ARHGEF2: variants seen among roughly 807,000 people sequenced by gnomAD.
The protein encoded by ARHGEF2 is rho guanine nucleotide exchange factor 2.
Under a neutral mutation model 121.0 loss-of-function variants are expected in ARHGEF2, and 22 were observed. That is an observed-to-expected ratio of 0.18 (90% CI 0.13 to 0.26). The LOEUF (loss-of-function observed/expected upper bound fraction) is 0.26, where lower values mean the gene tolerates loss of function less well. Ranked by LOEUF, ARHGEF2 falls within the 10% of genes least tolerant of loss-of-function variation. ARHGEF2 has a pLI of 1.00. For missense variants in ARHGEF2, 907 were observed against 1,336.0 expected (o/e 0.68, Z 5.01); for synonymous variants, 487 against 530.0 (o/e 0.92, Z 1.11).
rs910481850 is a variant in ARHGEF2 at position 155,965,536 on chromosome 1, G to A, written c.470+95C>T. ...AGTTCTCCTTATTTGTCTGTCTACAGTTCTGAACTCAGGGATGGAAAGGGA... is the reference window on the plus strand; with the variant it reads ...AGTTCTCCTTATTTGTCTGTCTACAATTCTGAACTCAGGGATGGAAAGGGA... On this transcript the variant is annotated intron_variant, in intron 5 of 21. Transcript: ENST00000361247. The surrounding 1 kb of genome is among the most constrained non-coding windows in gnomAD (Gnocchi z 6.0). 86 of 1,606,150 alleles carry A rather than the reference G, an allele frequency of 5.4e-5. No homozygotes were observed. The highest frequency in any genetic ancestry group is 6.9e-5 in the Non-Finnish European group (81 of 1,175,072).
Position 155,952,149 on chromosome 1 carries a change from T to C in ARHGEF2, c.2071A>G (p.Ser691Gly). Reference sequence around the variant, plus strand: ...ACCCCAGGACTCGTGTTACCACCGCTGTCTGGTTCCAAGGGCAGGGCTGGC... The same window carrying C: ...ACCCCAGGACTCGTGTTACCACCGCCGTCTGGTTCCAAGGGCAGGGCTGGC... ...REPALPLEPD[S>G]GGNTSPGVTA... The change falls in exon 16 of 22, where the codon AGC (serine) becomes GGC (glycine). Residue 691 changes from serine (S) to glycine (G), a missense_variant. By Grantham distance (56) the Ser-to-Gly change is moderately conservative (BLOSUM62 0). Coordinates refer to ENST00000361247, the MANE Select transcript of ARHGEF2 (RefSeq NM_001162383.2). 5.6e-6 allele frequency: 9 copies of C among 1,614,164 alleles called. No homozygotes were observed. The highest frequency in any genetic ancestry group is 7.6e-6 in the Non-Finnish European group (9 of 1,180,022).
intron 1 of ARHGEF2, chr1:155,970,754 G>A (rs1680298700): frequency 2.0e-6 from 2 of 985,652 alleles, no homozygotes; most frequent in African/African-American, 1.7e-5. Flanking sequence ...AAGGGGAAGT[G>A]TGGAGGGGCT....
intron 1 of ARHGEF2, chr1:155,970,244 G>T (rs141376165): frequency 4.1e-6 from 4 of 982,144 alleles, no homozygotes; most frequent in Non-Finnish European, 3.6e-6. Context: ...CACCTTCCTC[G>T]GAGCCTCTGA....
In ARHGEF2 at chr1:155,958,739, C is replaced by T. The variant is rs188016089; in HGVS notation, c.1469-343G>A. ...TACTACAGGCGTGTGCCACCATGCC[C>T]GGCTAATTTTGTATTTTTAGTAGAG... On this transcript the variant is annotated intron_variant, in intron 11 of 21. Transcript: ENST00000361247. 4.0e-5 allele frequency among the ~76,000 whole-genome samples: 6 copies of T among 151,786 alleles called. No individual in the cohort carries two copies. In the East Asian group the frequency reaches 9.7e-4, roughly 24 times the overall value.
chr1:155,973,008 G>C (rs1180807025), intron 1 of ARHGEF2, among the ~76,000 whole-genome samples: 1 of 152,008 alleles, frequency 6.6e-6, no homozygotes, highest in Non-Finnish European at 1.5e-5. Flanking sequence ...CTCAGACCTA[G>C]AGTCATTCTG....
At position 155,965,745 on chromosome 1, in the gene ARHGEF2, C is replaced by T. The variant is rs1355537515; in HGVS notation, c.356G>A (p.Arg119Gln). 1 of 1,600,248 alleles carries T rather than the reference C, an allele frequency of 6.2e-7. No individual in the cohort carries two copies. The highest frequency in any genetic ancestry group is 1.1e-5 in the South Asian group (1 of 89,560). The change falls in exon 5 of 22, where the codon CGG becomes CAG. Residue 119 changes from arginine (R) to glutamine (Q), a missense_variant. By Grantham distance (43) the Arg-to-Gln change is conservative. This residue lies in a region of ARHGEF2 where 475 missense variants were observed against 776.5 expected (regional missense o/e 0.61). Coordinates refer to ENST00000361247, the MANE Select transcript of ARHGEF2 (RefSeq NM_001162383.2). The surrounding 1 kb of genome is among the most constrained non-coding windows in gnomAD (Gnocchi z 6.0). ...SLRSKTTIRE[R>Q]PSSAIYPSDS... is the part of the protein sequence containing the mutation. ...GGAGGGGTAGATGGCCGAGCTTGGC[C>T]GCTCCCGGATGGTTGCTGTGGGGGA...
chr1:155,962,085 T>A lies in ARHGEF2; in HGVS notation c.1219+20A>T, dbSNP rs1446494096. ...AGGTGGCCGTCTCCCAGTGGCCCTC[T>A]CCTGGGCCTGCCTACTCACCGTGGG... is the stretch of plus-strand genomic sequence containing the variant. On this transcript the variant is annotated intron_variant, in intron 10 of 21. Transcript: ENST00000361247. The surrounding 1 kb of genome is among the most constrained non-coding windows in gnomAD (Gnocchi z 5.8). The A allele has an allele frequency of 1.2e-6, 2 of 1,612,918 alleles. No homozygotes were observed. Among genetic ancestry groups the A allele is most frequent in the Admixed American group, 3.3e-5 (2 of 60,016 alleles).
upstream of ARHGEF2, chr1:155,979,367 A>G: frequency 1.0e-6 from 1 of 979,292 alleles, no homozygotes; most frequent in Non-Finnish European, 1.2e-6. Context: ...AAAGAAAGTT[A>G]GGGCCCAACC....
At position 155,952,851 on chromosome 1, in the gene ARHGEF2, G is replaced by A. The variant is rs549872336; in HGVS notation, c.1784-23C>T. 6.2e-6 allele frequency: 10 copies of A among 1,613,302 alleles called. No individual in the cohort carries two copies. In the African/African-American group the frequency reaches 9.3e-5, roughly 15 times the overall value. On this transcript the variant is annotated intron_variant, in intron 14 of 21. Transcript: ENST00000361247. ...CCACTGCAGATAAGGAACAAGTGAG[G>A]ACATGAGAGGACGTAGGGGTATGCA...
In ARHGEF2 at chr1:155,962,187, C is replaced by T; in HGVS notation, c.1137G>A (p.Gly379=). The T allele has an allele frequency of 6.2e-7, 1 of 1,614,146 alleles. No individual in the cohort carries two copies. Residue 379 remains glycine (G), a synonymous_variant, in exon 10 of 22, where the codon GGG becomes GGA. Coordinates refer to ENST00000361247, the MANE Select transcript of ARHGEF2 (RefSeq NM_001162383.2). This position sits in a 1 kb window ranked among gnomAD's most constrained non-coding sequence, Gnocchi z 5.8. ...VTRPAVLKRH[G]VQECILLVTQ... ...TCACCAGCAGGATGCACTCCTGTACCCCGTGCCGCTTGAGCACGGCGGGGC... is the reference window on the plus strand; with the variant it reads ...TCACCAGCAGGATGCACTCCTGTACTCCGTGCCGCTTGAGCACGGCGGGGC...
At position 155,961,853 on chromosome 1, in the gene ARHGEF2, G is replaced by C; in HGVS notation, c.1276C>G (p.Leu426Val). The change falls in exon 11 of 22, where the codon CTG becomes GTG. Residue 426 changes from leucine to valine, a missense_variant. By Grantham distance (32) the Leu-to-Val change is conservative. Coordinates refer to ENST00000361247, the MANE Select transcript of ARHGEF2 (RefSeq NM_001162383.2). This position sits in a 1 kb window ranked among gnomAD's most constrained non-coding sequence, Gnocchi z 4.7. Reference sequence around the variant, plus strand: ...TAAATACCCTCGTCCACATTGGACAGCAGCTCCTTCACTAGCCCCAGTGCT... The same window carrying C: ...TAAATACCCTCGTCCACATTGGACACCAGCTCCTTCACTAGCCCCAGTGCT... ...TTALGLVKEL[L>V]SNVDEGIYQL... 1 of 1,614,206 alleles carries C rather than the reference G, an allele frequency of 6.2e-7. No homozygotes were observed. The highest frequency in any genetic ancestry group is 8.5e-7 in the Non-Finnish European group (1 of 1,180,042).
In ARHGEF2 at chr1:155,964,858, A is replaced by ACTT. The variant is rs1679031135; in HGVS notation, c.724+127_724+129dup. ...CAGTGAGCCGAGATCATGCCACTGC[A>ACTT]CTTCAGCCTGGTTGAGAGAGTGAGA... On this transcript the variant is annotated intron_variant, in intron 7 of 21. Coordinates refer to ENST00000361247, the MANE Select transcript of ARHGEF2 (RefSeq NM_001162383.2). 6.7e-6 allele frequency: 7 copies of ACTT among 1,046,740 alleles called. No homozygotes were observed. In the Admixed American group the frequency reaches 1.9e-4, roughly 29 times the overall value. The allele number at this position is 1,046,740 out of a possible 1,614,324, so 64.8% of individuals were successfully genotyped here.
chr1:155,964,642 G>A (rs746337565), intron 7 of ARHGEF2, among the ~76,000 whole-genome samples: 2 of 152,098 alleles, frequency 1.3e-5, no homozygotes, highest in African/African-American at 4.8e-5. Context: ...GGACACAGCC[G>A]GGTACGGTGG....
At chr1:155,971,914 T>TATACACAC (rs1263693853) in intron 1 of ARHGEF2, among the ~76,000 whole-genome samples, 37 of 151,170 alleles carry the variant, frequency 2.4e-4, no homozygotes, top group African/African-American at 8.8e-4. Flanking sequence ...TATATATATA[T>TATACACAC]ACACACATAA....
Position 155,961,962 on chromosome 1 carries a change from C to G in ARHGEF2, c.1220-53G>C. On this transcript the variant is annotated intron_variant, in intron 10 of 21. Coordinates refer to ENST00000361247, the MANE Select transcript of ARHGEF2 (RefSeq NM_001162383.2). This position sits in a 1 kb window ranked among gnomAD's most constrained non-coding sequence, Gnocchi z 4.7. ...GGCTCAACCAGTTTCACTCACACCCCAGTTCCCATCGTGTCTTGATTCCAC... is the reference window on the plus strand; with the variant it reads ...GGCTCAACCAGTTTCACTCACACCCGAGTTCCCATCGTGTCTTGATTCCAC... The G allele has an allele frequency of 2.5e-6, 4 of 1,608,588 alleles. No individual in the cohort carries two copies. Among genetic ancestry groups the G allele is most frequent in the Non-Finnish European group, 3.4e-6 (4 of 1,176,224 alleles).
rs138981557 is a variant in ARHGEF2, at chr1:155,953,160, G to A, written c.1784-332C>T. On this transcript the variant is annotated intron_variant, in intron 14 of 21. Transcript: ENST00000361247. The stretch of plus-strand genomic sequence containing the variant: ...CGCGCCTGTAGTCCCAGCTACTCAG[G>A]AGGCTGAGGCACAAGAATCGCTTGA... Among the ~76,000 whole-genome samples the A allele has an allele frequency of 3.8e-3, 577 of 151,502 alleles. 5 individuals carry two copies. Among genetic ancestry groups the A allele is most frequent in the African/African-American group, 0.013 (551 of 41,282 alleles).
In ARHGEF2 at chr1:155,950,374, G is replaced by A; in HGVS notation, c.2812C>T (p.Gln938Ter). The change falls in exon 21 of 22, where the codon CAA becomes TAA. Residue 938 changes from glutamine (Q) to a stop codon, truncating the protein, a stop_gained. Coordinates refer to ENST00000361247, the MANE Select transcript of ARHGEF2 (RefSeq NM_001162383.2). LOFTEE classifies it high-confidence loss of function. This position sits in a 1 kb window ranked among gnomAD's most constrained non-coding sequence, Gnocchi z 5.2. ...CCAGTGTCAGGGTCACTGCTGTCTTGCAGCCGCTCTTCGGGGCTCCCCAGT... is the reference window on the plus strand; with the variant it reads ...CCAGTGTCAGGGTCACTGCTGTCTTACAGCCGCTCTTCGGGGCTCCCCAGT... Reference protein sequence around the residue: ...QELGSPEERLQDSSDPDTGSE... With the variant: ...QELGSPEERL The A allele has an allele frequency of 6.2e-7, 1 of 1,614,006 alleles. No homozygotes were observed. The highest frequency in any genetic ancestry group is 8.5e-7 in the Non-Finnish European group (1 of 1,180,034).
intron 14 of ARHGEF2, 47 bp downstream of exon 14, chr1:155,954,855 G>A (rs769029857): frequency 3.3e-5 from 51 of 1,529,426 alleles, no homozygotes; most frequent in Non-Finnish European, 4.4e-5. Context: ...ATTCCATTGT[G>A]TGAATGTATT....
chr1:155,952,882 G>C (rs1046033560), intron 14 of ARHGEF2, 54 bp from the exon 15 acceptor site: 3 of 1,570,070 alleles, frequency 1.9e-6, no homozygotes, highest in Admixed American at 3.4e-5. Context: ...ATGCAAGAGC[G>C]CCAGTAGAGG....
Sources: allele counts gnomAD v4.1 joint callset (sites outside exome capture counted in the v4.1 genomes callset), GRCh38; gene constraint gnomAD v4.1.1; regional missense constraint gnomAD v4.1.1; non-coding constraint Gnocchi (gnomAD v3.1); transcripts MANE v1.5; gene names NCBI Gene and HGNC (gene_info 2026-07-23, HGNC 2026-07-21).